PTPN21: variants seen among roughly 807,000 people sequenced by gnomAD.
PTPN21 encodes the protein tyrosine-protein phosphatase non-receptor type 21.
Under a neutral mutation model 131.8 loss-of-function variants are expected in PTPN21, and 77 were observed. That is an observed-to-expected ratio of 0.58 (90% confidence interval 0.49 to 0.71). The LOEUF (loss-of-function observed/expected upper bound fraction) is 0.71. PTPN21 is among the 30% of genes least tolerant of loss of function. The pLI, the probability that PTPN21 is intolerant of heterozygous loss-of-function variation, is 0.00. For missense variants in PTPN21, 1,552 were observed against 1,527.1 expected, an observed-to-expected ratio of 1.02 and a Z score of -0.27; for synonymous variants, 715 against 621.3, an observed-to-expected ratio of 1.15 and a Z score of -2.24.
At chr14:88,502,575 T>C (rs999831102) in intron 6 of PTPN21, among the ~76,000 whole-genome samples, 2 of 152,194 alleles carry the variant, frequency 1.3e-5, no homozygotes, top group African/African-American at 4.8e-5. Flanking sequence ...TTTATCTTTG[T>C]GTCATAGCAT....
chr14:88,518,696 G>A (rs1225904517), intron 2 of PTPN21, among the ~76,000 whole-genome samples: 2 of 151,130 alleles, frequency 1.3e-5, no homozygotes, highest in Non-Finnish European at 2.9e-5. Flanking sequence ...CTCCCAAAGT[G>A]CTAGGATTAT....
chr14:88,500,329 C>T (rs529524807), intron 8 of PTPN21, among the ~76,000 whole-genome samples: 1 of 152,242 alleles, frequency 6.6e-6, no homozygotes, highest in African/African-American at 2.4e-5. Context: ...ACTCAGGAAG[C>T]TGGGATGGGA....
rs771518942 is a variant in PTPN21 at position 88,479,776 on chromosome 14, T to C, written c.1655A>G (p.Tyr552Cys). The C allele has an allele frequency of 1.3e-6, 2 of 1,545,464 alleles. No homozygotes were observed. Among genetic ancestry groups the C allele is most frequent in the Non-Finnish European group, 1.7e-6 (2 of 1,152,880 alleles). ...LTNAQLQAQD[Y>C]PSPNIMRTQV... ...CGTCCGCATGATGTTGGGAGACGGG[T>C]AGTCCTGCGCCTGCAGCTGCGCATT... Residue 552 changes from tyrosine to cysteine, a missense_variant, in exon 13 of 19, where the codon TAC becomes TGC. Around this residue, in one of 4 missense-constraint regions of PTPN21, gnomAD observed 1,016 missense variants for 883.5 expected, o/e 1.15. Coordinates refer to ENST00000556564, the MANE Select transcript of PTPN21 (RefSeq NM_007039.4).
At chr14:88,526,434 C>T (rs1273534844) in intron 2 of PTPN21, among the ~76,000 whole-genome samples, 6 of 150,678 alleles carry the variant, frequency 4.0e-5, no homozygotes, top group African/African-American at 1.5e-4. Flanking sequence ...CCTGTAATCT[C>T]AGCTACTCCG....
intron 2 of PTPN21, among the ~76,000 whole-genome samples, chr14:88,533,868 T>C (rs2078588988): frequency 6.6e-6 from 1 of 151,892 alleles, no homozygotes; most frequent in African/African-American, 2.4e-5. Context: ...GAGACCCTCT[T>C]TCAAATAAAA....
chr14:88,504,681 CAA>C (rs138863875), intron 5 of PTPN21, among the ~76,000 whole-genome samples, 186 bp from the exon 6 acceptor site: 1 of 139,928 alleles, frequency 7.1e-6, no homozygotes, highest in African/African-American at 2.6e-5. Flanking sequence ...TCACAAGAGC[CAA>C]AAAAAAAAAA....
intron 13 of PTPN21, among the ~76,000 whole-genome samples, chr14:88,475,883 G>C (rs1357086764): frequency 6.6e-6 from 1 of 152,232 alleles, no homozygotes; most frequent in Non-Finnish European, 1.5e-5. Context: ...TCAAAAGCCA[G>C]TATTGGAAGA....
At chr14:88,538,566 A>C (rs980330080) in intron 2 of PTPN21, among the ~76,000 whole-genome samples, 4 of 152,238 alleles carry the variant, frequency 2.6e-5, no homozygotes, top group Non-Finnish European at 5.9e-5. Flanking sequence ...ATCTTAAGCA[A>C]GATAATTGTA....
intron 2 of PTPN21, among the ~76,000 whole-genome samples, chr14:88,532,132 A>G (rs557086964): frequency 3.9e-4 from 59 of 152,092 alleles, no homozygotes; most frequent in Admixed American, 2.5e-3. Context: ...ACTGCCAACA[A>G]AAAACAAGTC....
intron 2 of PTPN21, among the ~76,000 whole-genome samples, chr14:88,522,443 A>G (rs968361394): frequency 2.7e-4 from 39 of 144,010 alleles, no homozygotes; most frequent in African/African-American, 9.0e-4. Context: ...AAAAAAAAAA[A>G]GAAAAAAAGA....
rs3742683 is a variant in PTPN21 at position 88,554,598 on chromosome 14, A to G, written c.-203+53T>C. 2.0e-5 allele frequency: 3 copies of G among 149,176 alleles called. No individual in the cohort carries two copies. The East Asian group carries it at 5.9e-4, about 29-fold the overall frequency. 9.2% of individuals were successfully genotyped at this position (149,176 alleles called of 1,614,324 possible). On this transcript the variant is annotated intron_variant, in intron 1 of 18. Coordinates refer to ENST00000556564, the MANE Select transcript of PTPN21 (RefSeq NM_007039.4). ...GGGTCCGGGCGAGTGGACACACCCC[A>G]CCGCTCGGGCCAGCCGCCCGCCCCT...
chr14:88,554,741 G>C lies in PTPN21; in HGVS notation c.-293C>G, dbSNP rs1219002751. The C allele has an allele frequency of 1.3e-5, 2 of 148,470 alleles. No individual in the cohort carries two copies. Among genetic ancestry groups the C allele is most frequent in the Admixed American group, 1.3e-4 (2 of 14,886 alleles). 9.2% of individuals were successfully genotyped at this position (148,470 alleles called of 1,614,324 possible). A position where few individuals can be genotyped will look rare whatever the true frequency, so the allele number is the denominator to read the frequency against. The stretch of plus-strand genomic sequence containing the variant: ...GCCCCGCCGCGCGGCCGCCGCAGCC[G>C]CACCCGCACGCCAGCCCGGGCCGCG... On this transcript the variant is annotated 5_prime_UTR_variant, in exon 1 of 19. Transcript: ENST00000556564.
In PTPN21 at chr14:88,480,265, A is replaced by G. The variant is rs2077632543; in HGVS notation, c.1166T>C (p.Ile389Thr). Residue 389 changes from isoleucine (I) to threonine (T), a missense_variant, in exon 13 of 19, where the codon ATC becomes ACC. By Grantham distance (89) the Ile-to-Thr change is moderately conservative (BLOSUM62 -1). Transcript: ENST00000556564. The part of the protein sequence containing the change: ...DRAQIDLNGR[I>T]RNGSVYSAHS... ...TGCACTGTAGACACTGCCATTACGG[A>G]TCCGACCGTTGAGGTCAATCTGGGC... 3 of 1,614,096 alleles carry G rather than the reference A, an allele frequency of 1.9e-6. No homozygotes were observed. The highest frequency in any genetic ancestry group is 2.5e-6 in the Non-Finnish European group (3 of 1,179,972).
At chr14:88,475,116 C>T (rs1434496318) in intron 13 of PTPN21, among the ~76,000 whole-genome samples, 1 of 151,894 alleles carries the variant, frequency 6.6e-6, no homozygotes, top group Non-Finnish European at 1.5e-5. Context: ...CACTAAGTTT[C>T]GTTGGATATA....
intron 2 of PTPN21, among the ~76,000 whole-genome samples, chr14:88,526,531 T>C (rs1398066148): frequency 2.1e-5 from 2 of 93,384 alleles, no homozygotes; most frequent in African/African-American, 4.3e-5. Context: ...GCCTGGGCAA[T>C]AGAGCGAGAT....
At chr14:88,527,606 T>C (rs916293474) in intron 2 of PTPN21, among the ~76,000 whole-genome samples, 6 of 152,216 alleles carry the variant, frequency 3.9e-5, no homozygotes, top group East Asian at 1.9e-4. Context: ...ACTCTGTGGG[T>C]TGTCTGTTTA....
chr14:88,518,273 T>TAC (rs1555388159), intron 2 of PTPN21, among the ~76,000 whole-genome samples: 1,217 of 67,468 alleles, frequency 0.018, 21 homozygotes, highest in African/African-American at 0.03. Flanking sequence ...TATATATATA[T>TAC]ACACACACAC....
At chr14:88,474,132 A>C (rs60236949) in intron 13 of PTPN21, among the ~76,000 whole-genome samples, 14 of 82,538 alleles carry the variant, frequency 1.7e-4, no homozygotes, top group African/African-American at 1.0e-3. Flanking sequence ...GCTGAAGTCC[A>C]AAAAAAAAAA....
At chr14:88,521,285 ATGTT>A (rs1595395996) in intron 2 of PTPN21, among the ~76,000 whole-genome samples, 1 of 152,140 alleles carries the variant, frequency 6.6e-6, no homozygotes, top group African/African-American at 2.4e-5. Context: ...TTCTGTTACT[ATGTT>A]TGTTTTCTGT....
Sources: gnomAD v4.1 joint callset for allele counts (sites outside exome capture counted in the v4.1 genomes callset) on GRCh38, gnomAD v4.1.1 for gene constraint, gnomAD v4.1.1 regional missense constraint, MANE v1.5 for transcripts, NCBI Gene and HGNC (gene_info 2026-07-23, HGNC 2026-07-21) for gene names.